SAP30BP: variants seen among roughly 807,000 people sequenced by gnomAD.
SAP30BP encodes the protein SAP30-binding protein.
Under a neutral mutation model 46.3 loss-of-function variants are expected in SAP30BP, and 31 were observed. The observed-to-expected ratio is 0.67, with a 90% confidence interval of 0.50 to 0.90. SAP30BP has a LOEUF of 0.90. SAP30BP is among the 40% of genes least tolerant of loss of function. SAP30BP has a pLI of 0.00. For synonymous variants in SAP30BP, 169 were observed against 144.2 expected (o/e 1.17, Z -1.23); for missense variants, 312 against 391.0 (o/e 0.80, Z 1.70).
intron 2 of SAP30BP, among the ~76,000 whole-genome samples, chr17:75,671,237 C>CCTTT (rs1279602799): frequency 6.6e-6 from 1 of 152,204 alleles, no homozygotes; most frequent in African/African-American, 2.4e-5. Context: ...TTTAGTCCTG[C>CCTTT]CTTTCCCAGG....
rs890300858 is a variant in SAP30BP at position 75,699,685 on chromosome 17, C to T, written c.308-98C>T. ...GTTGTACTGTTTTCATAGTGTTTATCCCTACCTGATAACATTTTATGTGCT... is the reference window on the plus strand; with the variant it reads ...GTTGTACTGTTTTCATAGTGTTTATTCCTACCTGATAACATTTTATGTGCT... On this transcript the variant is annotated intron_variant, in intron 4 of 10. Coordinates refer to ENST00000584667, the MANE Select transcript of SAP30BP (RefSeq NM_013260.8). The T allele has an allele frequency of 7.6e-6, 6 of 787,160 alleles. No individual in the cohort carries two copies. The Admixed American group carries it at 9.2e-5, about 12-fold the overall frequency. 48.8% of individuals were successfully genotyped at this position (787,160 alleles called of 1,614,324 possible).
chr17:75,700,837 C>T (rs2060398673), intron 5 of SAP30BP, among the ~76,000 whole-genome samples: 3 of 152,242 alleles, frequency 2.0e-5, no homozygotes, highest in Non-Finnish European at 4.4e-5. Context: ...GCACAGCATA[C>T]AGTGCCAATT....
chr17:75,679,409 T>C (rs2060042746), intron 3 of SAP30BP: 1 of 152,198 alleles, frequency 6.6e-6, no homozygotes, highest in Non-Finnish European at 1.5e-5. Flanking sequence ...ACTTGGGCAT[T>C]ATACATAAGC....
Position 75,671,828 on chromosome 17 carries a change from T to A in SAP30BP, c.229T>A (p.Ser77Thr). Reference sequence around the variant, plus strand: ...CTTTGTCTTGTAGGAAGATGACGATTCAGAGACTGAAAAACCTGAGGCTGA... The same window carrying A: ...CTTTGTCTTGTAGGAAGATGACGATACAGAGACTGAAAAACCTGAGGCTGA... ...ENSRQSEDDD[S>T]ETEKPEADDP... Residue 77 changes from serine to threonine, a missense_variant, in exon 3 of 11, where the codon TCA becomes ACA. Physicochemically the swap from Ser to Thr is moderately conservative, Grantham distance 58. Around this residue, in one of 2 missense-constraint regions of SAP30BP, gnomAD observed 296 missense variants for 346.6 expected, o/e 0.85. Coordinates refer to ENST00000584667, the MANE Select transcript of SAP30BP (RefSeq NM_013260.8). The A allele has an allele frequency of 6.2e-7, 1 of 1,613,700 alleles. No individual in the cohort carries two copies. Among genetic ancestry groups the A allele is most frequent in the East Asian group, 2.2e-5 (1 of 44,876 alleles).
rs887166491 is a variant in SAP30BP at position 75,703,918 on chromosome 17, C to T, written c.601+59C>T. 13 of 1,245,584 alleles carry T rather than the reference C, an allele frequency of 1.0e-5. No homozygotes were observed. The African/African-American group carries it at 1.9e-4, about 18-fold the overall frequency. 77.2% of individuals were successfully genotyped at this position (1,245,584 alleles called of 1,614,324 possible). A position where few individuals can be genotyped will look rare whatever the true frequency, so the allele number is the denominator to read the frequency against. ...CCGCCCACCCGACTGTCCCTTTATC[C>T]AGTCAGTTGGTTATCCAGGTGACAC... On this transcript the variant is annotated intron_variant, in intron 8 of 10. Coordinates refer to ENST00000584667, the MANE Select transcript of SAP30BP (RefSeq NM_013260.8).
intron 4 of SAP30BP, among the ~76,000 whole-genome samples, chr17:75,699,461 G>A (rs940263420): frequency 6.6e-6 from 1 of 151,724 alleles, no homozygotes; most frequent in Admixed American, 6.6e-5. Context: ...CAAAATGTTG[G>A]GAGTATAGGC....
chr17:75,673,619 A>T (rs1240288401), intron 3 of SAP30BP, among the ~76,000 whole-genome samples: 1 of 152,164 alleles, frequency 6.6e-6, no homozygotes, highest in Admixed American at 6.5e-5. Context: ...CATAACACTT[A>T]ACGGTCACCC....
rs908523635 is a variant in SAP30BP, at chr17:75,693,552, CA to C, written c.307+71del. 4 of 1,443,342 alleles carry C rather than the reference CA, an allele frequency of 2.8e-6. No homozygotes were observed. The Admixed American group carries it at 5.3e-5, about 19-fold the overall frequency. 89.4% of individuals were successfully genotyped at this position (1,443,342 alleles called of 1,614,324 possible). Reference sequence around the variant, plus strand: ...CTAGCAGCCTGGCTTCCAGCCATGCCAGGCCTGCCGCCCCACAGGGCTTCTG... The same window carrying C: ...CTAGCAGCCTGGCTTCCAGCCATGCCGGCCTGCCGCCCCACAGGGCTTCTG... On this transcript the variant is annotated intron_variant, in intron 4 of 10. Transcript: ENST00000584667.
At chr17:75,695,521 G>A (rs2060304208) in intron 4 of SAP30BP, among the ~76,000 whole-genome samples, 1 of 152,148 alleles carries the variant, frequency 6.6e-6, no homozygotes, top group African/African-American at 2.4e-5. Context: ...CACCCATGAG[G>A]ACACAAATGG....
intron 3 of SAP30BP, chr17:75,684,836 A>C (rs1228651025): frequency 6.6e-6 from 1 of 152,220 alleles, no homozygotes; most frequent in African/African-American, 2.4e-5. Flanking sequence ...AATTGTCGCA[A>C]GGGAAGGAAA....
chr17:75,670,420 T>C (rs951189472), intron 2 of SAP30BP, among the ~76,000 whole-genome samples: 6 of 152,262 alleles, frequency 3.9e-5, no homozygotes, highest in African/African-American at 2.4e-5. Flanking sequence ...TCCATTAATA[T>C]TGATAATTCA....
At position 75,696,923 on chromosome 17, in the gene SAP30BP, G is replaced by A. The variant is rs952634230; in HGVS notation, c.308-2860G>A. 9.2e-5 allele frequency among the ~76,000 whole-genome samples: 14 copies of A among 151,908 alleles called. No individual in the cohort carries two copies. In the East Asian group the frequency reaches 2.1e-3, roughly 23 times the overall value. On this transcript the variant is annotated intron_variant, in intron 4 of 10. Transcript: ENST00000584667. ...CTCCCGAGTAGCTGGGACTACAGGC[G>A]CCCACCACCACACTTGGCTAAATTT...
intron 5 of SAP30BP, 24 bp from the exon 6 acceptor site, chr17:75,702,456 C>G (rs779738668): frequency 1.8e-6 from 2 of 1,138,364 alleles, no homozygotes; most frequent in Non-Finnish European, 2.6e-6. Flanking sequence ...TACACCCCCC[C>G]ACCCCCTCTG....
chr17:75,686,496 A>G (rs535852088), intron 3 of SAP30BP, among the ~76,000 whole-genome samples: 2 of 151,976 alleles, frequency 1.3e-5, no homozygotes, highest in East Asian at 3.9e-4. Context: ...AGCCTGGGCA[A>G]CAGAGCGGGA....
At position 75,699,835 on chromosome 17, in the gene SAP30BP, G is replaced by GC; in HGVS notation, c.362dup (p.Glu122ArgfsTer19). On this transcript the variant is annotated frameshift_variant, in exon 5 of 11. Coordinates refer to ENST00000584667, the MANE Select transcript of SAP30BP (RefSeq NM_013260.8). LOFTEE classifies it high-confidence loss of function. ...TGTCGCCTGATGAAATCAAGATCCC[G>GC]CCAGAACCCCCTGGCAGATGTTCAA... 6.2e-7 allele frequency: 1 copy of GC among 1,613,046 alleles called. No individual in the cohort carries two copies. The highest frequency in any genetic ancestry group is 1.3e-5 in the African/African-American group (1 of 74,998).
At chr17:75,697,461 G>T (rs1345331391) in intron 4 of SAP30BP, among the ~76,000 whole-genome samples, 1 of 152,180 alleles carries the variant, frequency 6.6e-6, no homozygotes, top group Non-Finnish European at 1.5e-5. Flanking sequence ...TTTGCTTGAG[G>T]AGTCAGGAGA....
chr17:75,674,704 T>G (rs7209757), intron 3 of SAP30BP, among the ~76,000 whole-genome samples: 4,699 of 29,214 alleles, frequency 0.16, 425 homozygotes, highest in African/African-American at 0.23. Context: ...TTTGTTTTTT[T>G]TTTTTTTTTT....
At chr17:75,681,151 G>T (rs1379967213) in intron 3 of SAP30BP, among the ~76,000 whole-genome samples, 1 of 152,242 alleles carries the variant, frequency 6.6e-6, no homozygotes, top group Non-Finnish European at 1.5e-5. Context: ...ATATGTGTAA[G>T]TGTGTGTGGT....
chr17:75,668,424 C>A, intron 1 of SAP30BP, 92 bp from the exon 2 acceptor site: 1 of 715,810 alleles, frequency 1.4e-6, no homozygotes. Context: ...ATAGTCTTGG[C>A]CACTCAAATC....
Sources: gnomAD v4.1 joint callset for allele counts (sites outside exome capture counted in the v4.1 genomes callset) on GRCh38, gnomAD v4.1.1 for gene constraint, gnomAD v4.1.1 regional missense constraint, MANE v1.5 for transcripts, NCBI Gene and HGNC (gene_info 2026-07-23, HGNC 2026-07-21) for gene names.